PHLPP1: variants seen among roughly 807,000 people sequenced by gnomAD.
The protein encoded by PHLPP1 is PH domain leucine-rich repeat-containing protein phosphatase 1.
In PHLPP1, 42 loss-of-function variants were observed where a neutral mutation model predicts 117.2. The ratio of observed to expected loss-of-function variants is 0.36; its 90% CI spans 0.28 to 0.46. PHLPP1 has a LOEUF of 0.46. Ranked by LOEUF, PHLPP1 falls within the 20% of genes least tolerant of loss-of-function variation. The pLI is 1.00. For synonymous variants in PHLPP1, 1,042 were observed against 970.7 expected (o/e 1.07, Z -1.37); for missense variants, 2,084 against 2,241.9 (o/e 0.93, Z 1.42).
At chr18:62,759,455 A>T (rs1428807617) in intron 1 of PHLPP1, among the ~76,000 whole-genome samples, 1 of 152,228 alleles carries the variant, frequency 6.6e-6, no homozygotes, top group Non-Finnish European at 1.5e-5. Flanking sequence ...CAACAGACAG[A>T]GGATGCATAG....
intron 11 of PHLPP1, among the ~76,000 whole-genome samples, chr18:62,943,761 G>A (rs181153173): frequency 2.0e-5 from 3 of 152,208 alleles, no homozygotes; most frequent in Admixed American, 1.3e-4. Context: ...TGGGAATCAC[G>A]TTTCAACATG....
chr18:62,848,326 C>G (rs1299449228), intron 3 of PHLPP1, among the ~76,000 whole-genome samples: 1 of 151,944 alleles, frequency 6.6e-6, no homozygotes, highest in Non-Finnish European at 1.5e-5. Flanking sequence ...ATAGTGACAA[C>G]AATAATGCAC....
intron 1 of PHLPP1, among the ~76,000 whole-genome samples, chr18:62,821,596 C>T (rs1176085573): frequency 1.4e-5 from 2 of 140,154 alleles, no homozygotes; most frequent in Non-Finnish European, 3.1e-5. Context: ...AAAAGAAGAT[C>T]AGTGAATATA....
At chr18:62,791,661 G>A (rs1328852229) in intron 1 of PHLPP1, among the ~76,000 whole-genome samples, 1 of 152,184 alleles carries the variant, frequency 6.6e-6, no homozygotes, top group East Asian at 1.9e-4. Context: ...ATCATGAAAT[G>A]CGTTAGGAAA....
rs766840426 is a variant in PHLPP1, at chr18:62,963,431, A to T, written c.3519A>T (p.Val1173=). 32 of 1,613,330 alleles carry T rather than the reference A, an allele frequency of 2.0e-5. No homozygotes were observed. Among genetic ancestry groups the T allele is most frequent in the Non-Finnish European group, 2.4e-5 (28 of 1,179,654 alleles). Residue 1173 remains valine, a synonymous_variant, in exon 14 of 17, where the codon GTA becomes GTT. Transcript: ENST00000262719. ...STGDASGAPA[V]WSHGYTEASG... ...GAGACGCTTCCGGAGCCCCAGCTGT[A>T]TGGAGTCATGGTTACACTGAAGCTT...
intron 1 of PHLPP1, among the ~76,000 whole-genome samples, chr18:62,777,907 G>C (rs942321426): frequency 6.6e-6 from 1 of 152,072 alleles, no homozygotes; most frequent in Admixed American, 6.5e-5. Context: ...TAATGTCATA[G>C]GTTATTACTT....
chr18:62,940,168 C>T (rs889340402), intron 10 of PHLPP1, among the ~76,000 whole-genome samples: 4 of 151,866 alleles, frequency 2.6e-5, no homozygotes, highest in Non-Finnish European at 4.4e-5. Flanking sequence ...TGACACAGTC[C>T]GTCCCTTTGG....
intron 13 of PHLPP1, among the ~76,000 whole-genome samples, chr18:62,960,547 T>C (rs972135465): frequency 1.3e-5 from 2 of 152,188 alleles, no homozygotes; most frequent in African/African-American, 4.8e-5. Flanking sequence ...AAAATGTTCT[T>C]ATATGATAAG....
rs751836945 is a variant in PHLPP1 at position 62,979,265 on chromosome 18, A to T, written c.4988A>T (p.Gln1663Leu). 1 of 1,574,086 alleles carries T rather than the reference A, an allele frequency of 6.4e-7. No individual in the cohort carries two copies. Among genetic ancestry groups the T allele is most frequent in the South Asian group, 1.2e-5 (1 of 86,136 alleles). The change falls in exon 17 of 17, where the codon CAG becomes CTG. Residue 1663 changes from glutamine (Q) to leucine (L), a missense_variant. Coordinates refer to ENST00000262719, the MANE Select transcript of PHLPP1 (RefSeq NM_194449.4). ...AAPAQPDPDDQFIIPPELEEE... is the reference protein window; with the variant it reads ...AAPAQPDPDDLFIIPPELEEE... The stretch of plus-strand genomic sequence containing the variant: ...CCGGCTCAGCCGGATCCTGATGATC[A>T]GTTTATCATACCCCCGGAGCTGGAA...
chr18:62,872,324 G>T (rs144869965), intron 4 of PHLPP1, among the ~76,000 whole-genome samples: 7 of 152,162 alleles, frequency 4.6e-5, no homozygotes, highest in Admixed American at 4.6e-4. Context: ...CGTCTCTTGT[G>T]GTCAGAATGT....
chr18:62,794,175 CTT>C (rs1036814594), intron 1 of PHLPP1, among the ~76,000 whole-genome samples: 13 of 152,062 alleles, frequency 8.5e-5, no homozygotes, highest in Admixed American at 8.5e-4. Context: ...TACCTGCACA[CTT>C]ATATATCTAT....
intron 4 of PHLPP1, among the ~76,000 whole-genome samples, chr18:62,864,437 G>A (rs1915718767): frequency 6.6e-6 from 1 of 152,190 alleles, no homozygotes; most frequent in Non-Finnish European, 1.5e-5. Flanking sequence ...CTAACTATGA[G>A]GGCCTCTTGT....
intron 10 of PHLPP1, 150 bp from the exon 11 acceptor site, chr18:62,941,568 C>T (rs1323574436): frequency 3.3e-6 from 2 of 612,536 alleles, no homozygotes; most frequent in Admixed American, 3.0e-5. Flanking sequence ...GATACAAATA[C>T]TTGCTAATTG....
At chr18:62,785,266 C>T (rs971505007) in intron 1 of PHLPP1, among the ~76,000 whole-genome samples, 1 of 152,182 alleles carries the variant, frequency 6.6e-6, no homozygotes, top group Non-Finnish European at 1.5e-5. Context: ...CTGTATCATC[C>T]TCAGAAGGAC....
At chr18:62,754,068 A>G (rs1486661673) in intron 1 of PHLPP1, among the ~76,000 whole-genome samples, 1 of 152,120 alleles carries the variant, frequency 6.6e-6, no homozygotes, top group African/African-American at 2.4e-5. Context: ...CTTGTCTTAA[A>G]CACTTCAGCT....
At chr18:62,976,778 G>A (rs949462893) in intron 16 of PHLPP1, among the ~76,000 whole-genome samples, 1 of 152,166 alleles carries the variant, frequency 6.6e-6, no homozygotes, top group African/African-American at 2.4e-5. Flanking sequence ...TTTCACCAGA[G>A]TCCACCCCAA....
intron 1 of PHLPP1, among the ~76,000 whole-genome samples, chr18:62,823,982 A>G (rs1914539318): frequency 6.6e-6 from 1 of 152,048 alleles, no homozygotes; most frequent in African/African-American, 2.4e-5. Flanking sequence ...AAATACAAAA[A>G]TTAGCCAGGC....
chr18:62,880,632 GA>G (rs35112215), intron 4 of PHLPP1, among the ~76,000 whole-genome samples: 4 of 149,348 alleles, frequency 2.7e-5, no homozygotes, highest in Admixed American at 1.3e-4. Context: ...GTGAGAAAAT[GA>G]AAAAAAAATG....
At chr18:62,927,457 C>T (rs1403802313) in intron 10 of PHLPP1, among the ~76,000 whole-genome samples, 1 of 151,980 alleles carries the variant, frequency 6.6e-6, no homozygotes, top group South Asian at 2.1e-4. Context: ...TAAATATAGT[C>T]AAGTGAACAT....
Sources: allele counts gnomAD v4.1 joint callset (sites outside exome capture counted in the v4.1 genomes callset), GRCh38; gene constraint gnomAD v4.1.1; transcripts MANE v1.5; gene names NCBI Gene and HGNC (gene_info 2026-07-23, HGNC 2026-07-21).